The following KLHDC1 variants were observed in gnomAD, a reference collection of about 807,000 sequenced individuals.
The protein encoded by KLHDC1 is kelch domain containing 1, also known as kelch domain-containing protein 1.
In KLHDC1, 53 loss-of-function variants were observed where a neutral mutation model predicts 68.3. The observed-to-expected ratio is 0.78, with a 90% CI of 0.62 to 0.98. KLHDC1 has a LOEUF of 0.98. Ranked by LOEUF, KLHDC1 falls within the 50% of genes least tolerant of loss-of-function variation. The pLI is 0.00. For synonymous variants in KLHDC1, 148 were observed against 159.0 expected, an observed-to-expected ratio of 0.93 and a Z score of 0.52; for missense variants, 470 against 492.3, an observed-to-expected ratio of 0.95 and a Z score of 0.43.
intron 7 of KLHDC1, among the ~76,000 whole-genome samples, chr14:49,729,224 C>T (rs1888744134): frequency 6.6e-6 from 1 of 152,114 alleles, no homozygotes; most frequent in South Asian, 2.1e-4. Flanking sequence ...TCTTTCAGTG[C>T]AGTATCAGAA....
chr14:49,734,844 G>C (rs968574811), intron 10 of KLHDC1, among the ~76,000 whole-genome samples, 183 bp downstream of exon 10: 1 of 151,914 alleles, frequency 6.6e-6, no homozygotes. Flanking sequence ...TGTTAGAAAT[G>C]ATCTATCCAG....
chr14:49,704,387 G>GTTTTTTTTTTTTTTTTTTTTT (rs35067251), intron 1 of KLHDC1, among the ~76,000 whole-genome samples: 2 of 68,690 alleles, frequency 2.9e-5, no homozygotes, highest in East Asian at 4.6e-4. Context: ...TTCCTTTTCT[G>GTTTTTTTTTTTTTTTTTTTTT]TTTTTTTTTT....
At chr14:49,744,823 A>G (rs1386675482) in intron 12 of KLHDC1, among the ~76,000 whole-genome samples, 1 of 152,212 alleles carries the variant, frequency 6.6e-6, no homozygotes, top group African/African-American at 2.4e-5. Flanking sequence ...GAACTTACAG[A>G]TACAGGGGGC....
intron 10 of KLHDC1, among the ~76,000 whole-genome samples, chr14:49,737,926 T>C (rs888549653): frequency 6.6e-6 from 1 of 151,626 alleles, no homozygotes; most frequent in Non-Finnish European, 1.5e-5. Flanking sequence ...GCAATGACTA[T>C]GTAAAAATCC....
At chr14:49,704,455 G>A (rs1253980574) in intron 1 of KLHDC1, among the ~76,000 whole-genome samples, 3 of 134,140 alleles carry the variant, frequency 2.2e-5, no homozygotes, top group South Asian at 2.6e-4. Context: ...GTGCAGTGGC[G>A]CAATCTGGGG....
intron 8 of KLHDC1, among the ~76,000 whole-genome samples, chr14:49,732,084 GA>G (rs1354865192): frequency 2.0e-5 from 3 of 151,146 alleles, no homozygotes; most frequent in Non-Finnish European, 4.4e-5. Context: ...TTACAGACAT[GA>G]AAAAAATTGT....
chr14:49,705,239 G>C (rs948720887), intron 1 of KLHDC1, among the ~76,000 whole-genome samples: 1 of 151,990 alleles, frequency 6.6e-6, no homozygotes, highest in African/African-American at 2.4e-5. Context: ...TTGAAGTTTC[G>C]AGGGATAGCA....
At chr14:49,739,853 C>T (rs183826533) in intron 10 of KLHDC1, among the ~76,000 whole-genome samples, 1 of 152,230 alleles carries the variant, frequency 6.6e-6, no homozygotes, top group African/African-American at 2.4e-5. Flanking sequence ...GAGTTCAAAA[C>T]TAGCCTCATC....
intron 5 of KLHDC1, 116 bp downstream of exon 5, chr14:49,724,068 C>A: frequency 1.7e-6 from 1 of 604,854 alleles, no homozygotes; most frequent in Non-Finnish European, 2.8e-6. Context: ...GTAATTGACG[C>A]TATGAAAAAA....
At chr14:49,739,792 TATA>T (rs1889015996) in intron 10 of KLHDC1, among the ~76,000 whole-genome samples, 1 of 152,208 alleles carries the variant, frequency 6.6e-6, no homozygotes, top group African/African-American at 2.4e-5. Flanking sequence ...GGCTCATGCC[TATA>T]ATCCCAGCAC....
chr14:49,729,102 A>G, intron 7 of KLHDC1, 93 bp downstream of exon 7: 1 of 848,482 alleles, frequency 1.2e-6, no homozygotes, highest in South Asian at 1.5e-5. Context: ...ACATTCATGT[A>G]ATCTAGAGAT....
chr14:49,706,286 A>T (rs1291285378), intron 1 of KLHDC1, among the ~76,000 whole-genome samples: 1 of 152,142 alleles, frequency 6.6e-6, no homozygotes, highest in Non-Finnish European at 1.5e-5. Context: ...CTCTAGTTCC[A>T]TCCATGTTAT....
At position 49,698,666 on chromosome 14, in the gene KLHDC1, C is replaced by A. The variant is rs529659062; in HGVS notation, c.96+5376C>A. Among the ~76,000 whole-genome samples the A allele has an allele frequency of 3.9e-4, 60 of 151,968 alleles. 1 individual carries two copies. The South Asian group carries it at 0.012, about 31-fold the overall frequency. On this transcript the variant is annotated intron_variant, in intron 1 of 12. Coordinates refer to ENST00000359332, the MANE Select transcript of KLHDC1 (RefSeq NM_172193.3). ...AAGAAGCTGGGATTACAGGCACATG[C>A]CACCACGCCCAGCTAGTTTTTGTAT...
chr14:49,743,866 T>C (rs1889128278), intron 12 of KLHDC1, 61 bp downstream of exon 12: 7 of 991,082 alleles, frequency 7.1e-6, no homozygotes, highest in African/African-American at 3.3e-5. Flanking sequence ...TCTTTCTCAT[T>C]TTTGGGAAGC....
chr14:49,740,298 G>A (rs2139765384), intron 11 of KLHDC1, 116 bp downstream of exon 11: 1 of 612,832 alleles, frequency 1.6e-6, no homozygotes, highest in Non-Finnish European at 2.9e-6. Context: ...GGCCTGAAAT[G>A]TTACTCTGTG....
chr14:49,697,773 G>A (rs893808813), intron 1 of KLHDC1, among the ~76,000 whole-genome samples: 11 of 152,098 alleles, frequency 7.2e-5, no homozygotes, highest in Non-Finnish European at 1.3e-4. Context: ...TACTACATCT[G>A]GCATGTGCTA....
intron 12 of KLHDC1, among the ~76,000 whole-genome samples, chr14:49,748,926 G>A (rs1271931246): frequency 1.3e-5 from 2 of 150,260 alleles, no homozygotes; most frequent in South Asian, 2.1e-4. Flanking sequence ...TCAGCCTCCC[G>A]AGTAGCTGAG....
chr14:49,750,419 G>T (rs1452745757), intron 12 of KLHDC1, among the ~76,000 whole-genome samples: 1 of 152,144 alleles, frequency 6.6e-6, no homozygotes, highest in African/African-American at 2.4e-5. Context: ...GCTTGCTAAG[G>T]TTGTCTTAGT....
chr14:49,693,352 C>A, intron 1 of KLHDC1, 62 bp downstream of exon 1: 1 of 1,180,732 alleles, frequency 8.5e-7, no homozygotes, highest in Non-Finnish European at 1.1e-6. Context: ...TGAGCGGACG[C>A]AGCGCCCGCC....
Sources: allele counts gnomAD v4.1 joint callset (sites outside exome capture counted in the v4.1 genomes callset), GRCh38; gene constraint gnomAD v4.1.1; transcripts MANE v1.5; gene names NCBI Gene and HGNC (gene_info 2026-07-23, HGNC 2026-07-21).